The following PIEZO2 variants were observed in gnomAD, a reference collection of about 807,000 sequenced individuals.
The protein encoded by PIEZO2 is piezo-type mechanosensitive ion channel component 2.
In PIEZO2, 172 loss-of-function variants were observed where a neutral mutation model predicts 337.3. The observed-to-expected ratio is 0.51, with a 90% CI of 0.45 to 0.58. The LOEUF is 0.58. PIEZO2 is among the 20% of genes least tolerant of loss of function. The pLI is 0.00. For synonymous variants in PIEZO2, 1,251 were observed against 1,228.5 expected (o/e 1.02, Z -0.38); for missense variants, 3,028 against 3,391.3 (o/e 0.89, Z 2.66).
At position 10,855,255 on chromosome 18, in the gene PIEZO2, C is replaced by T. The variant is rs936064698; in HGVS notation, c.917+98G>A. 27 of 1,075,442 alleles carry T rather than the reference C, an allele frequency of 2.5e-5. No individual in the cohort carries two copies. Among genetic ancestry groups the T allele is most frequent in the Non-Finnish European group, 3.3e-5 (25 of 746,356 alleles). The allele number at this position is 1,075,442 out of a possible 1,614,324, so 66.6% of individuals were successfully genotyped here. A position where few individuals can be genotyped will look rare whatever the true frequency, so the allele number is the denominator to read the frequency against. On this transcript the variant is annotated intron_variant, in intron 7 of 55. Transcript: ENST00000674853. This position sits in a 1 kb window ranked among gnomAD's most constrained non-coding sequence, Gnocchi z 4.9. Reference sequence around the variant, plus strand: ...TTTGCTTAACACAGCAATTGCCTGCCATCAAGAATAACCCCTGTAAATTCA... The same window carrying T: ...TTTGCTTAACACAGCAATTGCCTGCTATCAAGAATAACCCCTGTAAATTCA...
intron 1 of PIEZO2, among the ~76,000 whole-genome samples, chr18:11,067,554 C>G (rs185817782): frequency 1.6e-3 from 243 of 152,232 alleles, no homozygotes; most frequent in Middle Eastern, 0.014. Flanking sequence ...AAAAGATATT[C>G]TATGCAAATC....
At chr18:10,736,142 C>A (rs989647299) in intron 34 of PIEZO2, among the ~76,000 whole-genome samples, 5 of 152,190 alleles carry the variant, frequency 3.3e-5, no homozygotes, top group Admixed American at 6.5e-5. Flanking sequence ...AAATCTTTAG[C>A]AATACATATG....
rs569023837 is a variant in PIEZO2, at chr18:10,742,016, G to A, written c.4636+478C>T. ...AAAATACAAAAAAAATTAGCCGGGC[G>A]TGGTGGCGGGCACCTGTAGTCCCAG... is the stretch of plus-strand genomic sequence containing the variant. On this transcript the variant is annotated intron_variant, in intron 32 of 55. Transcript: ENST00000674853. Among the ~76,000 whole-genome samples the A allele has an allele frequency of 8.6e-3, 1,301 of 152,122 alleles. 12 individuals carry two copies. Among genetic ancestry groups the A allele is most frequent in the Non-Finnish European group, 0.014 (945 of 67,976 alleles).
Position 10,759,204 on chromosome 18 carries a change from T to C in PIEZO2, c.3757+278A>G, listed in dbSNP as rs2038014373. Among the ~76,000 whole-genome samples the C allele has an allele frequency of 2.0e-5, 1 of 48,930 alleles. No individual in the cohort carries two copies. The highest frequency in any genetic ancestry group is 4.4e-5 in the Non-Finnish European group (1 of 22,696). 32.1% of individuals were successfully genotyped at this position (48,930 alleles called of 152,430 possible). A position where few individuals can be genotyped will look rare whatever the true frequency, so the allele number is the denominator to read the frequency against. On this transcript the variant is annotated intron_variant, in intron 26 of 55. Coordinates refer to ENST00000674853, the MANE Select transcript of PIEZO2 (RefSeq NM_001378183.1). This position sits in a 1 kb window ranked among gnomAD's most constrained non-coding sequence, Gnocchi z 5.5. ...GTCTTTTGAAAGGTGGCTGTGTAAATGTGTGTGTGTGTGTGTGTGTGTGTT... is the reference window on the plus strand; with the variant it reads ...GTCTTTTGAAAGGTGGCTGTGTAAACGTGTGTGTGTGTGTGTGTGTGTGTT...
intron 7 of PIEZO2, among the ~76,000 whole-genome samples, chr18:10,842,270 C>T (rs1334459193): frequency 4.0e-5 from 6 of 151,654 alleles, no homozygotes; most frequent in African/African-American, 1.2e-4. Flanking sequence ...CATGAATGTA[C>T]ATTTATCTGC....
At chr18:10,990,884 C>T (rs896008784) in intron 2 of PIEZO2, among the ~76,000 whole-genome samples, 3 of 151,288 alleles carry the variant, frequency 2.0e-5, no homozygotes, top group Non-Finnish European at 4.4e-5. Context: ...TCTTTTTATG[C>T]TTTTTTAGAT....
At chr18:10,811,304 C>T (rs1023466179) in intron 7 of PIEZO2, among the ~76,000 whole-genome samples, 14 of 152,172 alleles carry the variant, frequency 9.2e-5, no homozygotes, top group African/African-American at 3.1e-4. Context: ...TGAATTTCTG[C>T]TATTTTTAGT....
intron 45 of PIEZO2, among the ~76,000 whole-genome samples, chr18:10,696,766 G>A (rs2035108807): frequency 6.6e-6 from 1 of 152,204 alleles, no homozygotes; most frequent in Non-Finnish European, 1.5e-5. Context: ...CTCTGCTGAT[G>A]GCACCACAGC....
intron 4 of PIEZO2, among the ~76,000 whole-genome samples, chr18:10,885,865 A>G (rs2042565498): frequency 6.6e-6 from 1 of 152,180 alleles, no homozygotes; most frequent in Non-Finnish European, 1.5e-5. Flanking sequence ...GACTAGCAGA[A>G]GCTGGGCTTG....
intron 1 of PIEZO2, among the ~76,000 whole-genome samples, chr18:11,085,774 AAT>A (rs1555709791): frequency 4.6e-5 from 7 of 150,572 alleles, no homozygotes; most frequent in African/African-American, 1.7e-4. Context: ...ATAGAAAAAA[AAT>A]TTTTTTTAAA....
chr18:11,025,638 G>C (rs1306320094), intron 2 of PIEZO2, among the ~76,000 whole-genome samples: 1 of 152,156 alleles, frequency 6.6e-6, no homozygotes, highest in Non-Finnish European at 1.5e-5. Flanking sequence ...GGAATGAAAA[G>C]ATTCTCTCTG....
chr18:10,972,235 T>C (rs264238), intron 3 of PIEZO2, among the ~76,000 whole-genome samples: 74,882 of 150,524 alleles, frequency 0.5, 18,802 homozygotes, highest in Middle Eastern at 0.53. Flanking sequence ...TTAGTTTACA[T>C]GAAAATGTTA....
chr18:10,773,641 G>C lies in PIEZO2; in HGVS notation c.2568-12C>G. 2 of 1,536,756 alleles carry C rather than the reference G, an allele frequency of 1.3e-6. No homozygotes were observed. Among genetic ancestry groups the C allele is most frequent in the Middle Eastern group, 1.7e-4 (1 of 5,932 alleles). ...CCGGGTGGGCCAGTCTGTTGGCAGAGAGCAGCTGAGTCAGAAGAGGAAAGG... is the reference window on the plus strand; with the variant it reads ...CCGGGTGGGCCAGTCTGTTGGCAGACAGCAGCTGAGTCAGAAGAGGAAAGG... On this transcript the variant is annotated splice_polypyrimidine_tract_variant and intron_variant, in intron 19 of 55. Coordinates refer to ENST00000674853, the MANE Select transcript of PIEZO2 (RefSeq NM_001378183.1). This position sits in a 1 kb window ranked among gnomAD's most constrained non-coding sequence, Gnocchi z 5.3.
chr18:10,752,468 G>C (rs973397146), intron 28 of PIEZO2, among the ~76,000 whole-genome samples, 168 bp downstream of exon 28: 2 of 152,220 alleles, frequency 1.3e-5, no homozygotes, highest in African/African-American at 4.8e-5. Flanking sequence ...TCTGTTTAAC[G>C]TGGCAAGACA....
rs1169334787 is a variant in PIEZO2, at chr18:10,863,553, G to C, written c.493-6342C>G. On this transcript the variant is annotated intron_variant, in intron 5 of 55. Coordinates refer to ENST00000674853, the MANE Select transcript of PIEZO2 (RefSeq NM_001378183.1). The surrounding 1 kb of genome is among the most constrained non-coding windows in gnomAD (Gnocchi z 4.3). ...TGAATCAGCAGACAGTGGCCAGTTA[G>C]ACCAATGCCTAAAGGATCTGTGGAG... Among the ~76,000 whole-genome samples, 1 of 152,182 alleles carries C rather than the reference G, an allele frequency of 6.6e-6. No individual in the cohort carries two copies. Among genetic ancestry groups the C allele is most frequent in the East Asian group, 1.9e-4 (1 of 5,190 alleles).
At position 10,872,483 on chromosome 18, in the gene PIEZO2, C is replaced by A. The variant is rs1169120780; in HGVS notation, c.330-1068G>T. Reference sequence around the variant, plus strand: ...GCCAGCATAGTTGGCCAGCACACATCACCTCAGCTGAAATGTGTTCTGGCT... The same window carrying A: ...GCCAGCATAGTTGGCCAGCACACATAACCTCAGCTGAAATGTGTTCTGGCT... On this transcript the variant is annotated intron_variant, in intron 4 of 55. Transcript: ENST00000674853. This position sits in a 1 kb window ranked among gnomAD's most constrained non-coding sequence, Gnocchi z 4.3. 6.6e-6 allele frequency among the ~76,000 whole-genome samples: 1 copy of A among 152,158 alleles called. No individual in the cohort carries two copies. Among genetic ancestry groups the A allele is most frequent in the East Asian group, 1.9e-4 (1 of 5,184 alleles).
chr18:10,905,097 T>C (rs937266524), intron 4 of PIEZO2, among the ~76,000 whole-genome samples: 2 of 152,236 alleles, frequency 1.3e-5, no homozygotes, highest in African/African-American at 4.8e-5. Context: ...TAAACTACTT[T>C]GACAAAATTT....
At chr18:11,000,671 C>G (rs536254635) in intron 2 of PIEZO2, among the ~76,000 whole-genome samples, 1 of 152,318 alleles carries the variant, frequency 6.6e-6, no homozygotes, top group South Asian at 2.1e-4. Flanking sequence ...CATGCTGTAT[C>G]TGACATTTGG....
At chr18:11,053,547 G>A (rs1452139818) in intron 2 of PIEZO2, among the ~76,000 whole-genome samples, 1 of 152,212 alleles carries the variant, frequency 6.6e-6, no homozygotes. Flanking sequence ...CTCCCAAGCA[G>A]CTGGGGCTAC....
Sources: allele counts gnomAD v4.1 joint callset (sites outside exome capture counted in the v4.1 genomes callset), GRCh38; gene constraint gnomAD v4.1.1; non-coding constraint Gnocchi (gnomAD v3.1); transcripts MANE v1.5; gene names NCBI Gene and HGNC (gene_info 2026-07-23, HGNC 2026-07-21).